The following IL17RD variants were observed in gnomAD, a reference collection of about 807,000 sequenced individuals.
IL17RD encodes the protein interleukin-17 receptor D.
Under a neutral mutation model 80.5 loss-of-function variants are expected in IL17RD, and 52 were observed. That is an observed-to-expected ratio of 0.65 (90% CI 0.52 to 0.81). IL17RD has a LOEUF of 0.81. IL17RD is among the 40% of genes least tolerant of loss of function. The pLI, the probability that IL17RD is intolerant of heterozygous loss-of-function variation, is 0.00. For missense variants in IL17RD, 1,024 were observed against 955.1 expected (o/e 1.07, Z -0.95); for synonymous variants, 416 against 391.8 (o/e 1.06, Z -0.73).
intron 11 of IL17RD, 39 bp downstream of exon 11, chr3:57,101,140 T>C: frequency 1.3e-6 from 2 of 1,563,234 alleles, no homozygotes; most frequent in South Asian, 1.1e-5. Context: ...AGGGCAAGTG[T>C]CCTGGCCAGG....
rs762095129 is a variant in IL17RD at position 57,120,325 on chromosome 3, C to G, written c.127-12G>C. 3 of 1,610,376 alleles carry G rather than the reference C, an allele frequency of 1.9e-6. No individual in the cohort carries two copies. The African/African-American group carries it at 4.0e-5, about 22-fold the overall frequency. ...GCTGGCCCCACTCCCTGTGGGAAAA[C>G]AAGAGAACATGATGCAGAGTGAAGC... On this transcript the variant is annotated splice_polypyrimidine_tract_variant and intron_variant, in intron 1 of 12. Transcript: ENST00000296318.
chr3:57,104,737 G>A (rs1422682471), intron 7 of IL17RD, among the ~76,000 whole-genome samples: 1 of 152,198 alleles, frequency 6.6e-6, no homozygotes, highest in Non-Finnish European at 1.5e-5. Context: ...ACCAGTCTGT[G>A]TTTATACATA....
chr3:57,110,229 C>G lies in IL17RD; in HGVS notation c.393G>C (p.Lys131Asn). The G allele has an allele frequency of 6.2e-7, 1 of 1,607,278 alleles. No individual in the cohort carries two copies. The highest frequency in any genetic ancestry group is 1.1e-5 in the South Asian group (1 of 89,216). ...AGCTACTGTTGAGCTGCTTCGGATC[C>G]TTTAGAATCAGTTGTTGGCACTGTC... Reference protein sequence around the residue: ...EGRQCQQLILKDPKQLNSSFK... With the variant: ...EGRQCQQLILNDPKQLNSSFK... The change falls in exon 4 of 13, where the codon AAG becomes AAC. Residue 131 changes from lysine to asparagine, a missense_variant. Lys to Asn is a moderately conservative substitution (Grantham distance 94, BLOSUM62 0). Coordinates refer to ENST00000296318, the MANE Select transcript of IL17RD (RefSeq NM_017563.5).
chr3:57,116,699 A>AT (rs1559472824), intron 2 of IL17RD, among the ~76,000 whole-genome samples: 1 of 152,172 alleles, frequency 6.6e-6, no homozygotes, highest in Non-Finnish European at 1.5e-5. Context: ...TAAAGAAGAG[A>AT]TTTTAGAATA....
At chr3:57,123,960 G>T (rs1009669845) in intron 1 of IL17RD, among the ~76,000 whole-genome samples, 4 of 152,126 alleles carry the variant, frequency 2.6e-5, no homozygotes, top group Non-Finnish European at 5.9e-5. Context: ...CGGGAGAATC[G>T]CTTGAACCCG....
At chr3:57,114,138 C>T (rs1318191809) in intron 3 of IL17RD, among the ~76,000 whole-genome samples, 1 of 150,972 alleles carries the variant, frequency 6.6e-6, no homozygotes, top group Non-Finnish European at 1.5e-5. Flanking sequence ...GAGCCGAGAT[C>T]GCACCATTGC....
At chr3:57,132,932 C>G (rs1431400243) in intron 1 of IL17RD, among the ~76,000 whole-genome samples, 1 of 152,032 alleles carries the variant, frequency 6.6e-6, no homozygotes, top group East Asian at 1.9e-4. Flanking sequence ...TATTTGCGGT[C>G]AACACACAAA....
intron 12 of IL17RD, among the ~76,000 whole-genome samples, chr3:57,097,270 T>C (rs2107460713): frequency 6.6e-6 from 1 of 152,304 alleles, no homozygotes; most frequent in East Asian, 1.9e-4. Flanking sequence ...CACAAACTGT[T>C]ACCCAAGACC....
chr3:57,130,826 AG>A (rs1479463699), intron 1 of IL17RD, among the ~76,000 whole-genome samples: 2 of 152,168 alleles, frequency 1.3e-5, no homozygotes, highest in African/African-American at 4.8e-5. Context: ...ATGTGTGCCC[AG>A]CCACAAAGCC....
chr3:57,110,275 TC>T lies in IL17RD; in HGVS notation c.346del (p.Glu116ArgfsTer3). 6.2e-7 allele frequency: 1 copy of T among 1,608,736 alleles called. No individual in the cohort carries two copies. ...CTGTCTTCCCTCCGACTTCAGCTCC[TC>T]CAGTATTACCCGAAATCCTTTCAGG... The part of the protein sequence containing the change: ...EFLKGFRVIL[E>X]ELKSEGRQCQ... On this transcript the variant is annotated frameshift_variant, in exon 4 of 13. Coordinates refer to ENST00000296318, the MANE Select transcript of IL17RD (RefSeq NM_017563.5). LOFTEE classifies it high-confidence loss of function.
rs116215275 is a variant in IL17RD at position 57,126,454 on chromosome 3, C to T, written c.127-6141G>A. 8.8e-3 allele frequency among the ~76,000 whole-genome samples: 1,339 copies of T among 152,302 alleles called. 25 individuals carry two copies. Among genetic ancestry groups the T allele is most frequent in the African/African-American group, 0.031 (1,277 of 41,560 alleles). ...TCAAAAGCTAAAAACCCACACCATG[C>T]TCCAGCCATATATGGCAAAGAAGCA... On this transcript the variant is annotated intron_variant, in intron 1 of 12. Coordinates refer to ENST00000296318, the MANE Select transcript of IL17RD (RefSeq NM_017563.5).
At chr3:57,107,385 A>G (rs7626136) in intron 5 of IL17RD, among the ~76,000 whole-genome samples, 1 of 150,960 alleles carries the variant, frequency 6.6e-6, no homozygotes, top group South Asian at 2.1e-4. Flanking sequence ...TCTCGAAAAA[A>G]AAAAAAAAAA....
In IL17RD at chr3:57,127,387, A is replaced by ATATAT. The variant is rs1553625662; in HGVS notation, c.127-7075_127-7074insATATA. Among the ~76,000 whole-genome samples, 16 of 87,980 alleles carry ATATAT rather than the reference A, an allele frequency of 1.8e-4. No homozygotes were observed. In the East Asian group the frequency reaches 5.1e-3, roughly 28 times the overall value. 57.7% of individuals were successfully genotyped at this position (87,980 alleles called of 152,430 possible). A position where few individuals can be genotyped will look rare whatever the true frequency, so the allele number is the denominator to read the frequency against. On this transcript the variant is annotated intron_variant, in intron 1 of 12. Coordinates refer to ENST00000296318, the MANE Select transcript of IL17RD (RefSeq NM_017563.5). ...ATAAATATATATATATAAATAAATA[A>ATATAT]ATAAATAAATATATATATATATATA...
At chr3:57,099,968 T>G (rs527339842) in intron 11 of IL17RD, among the ~76,000 whole-genome samples, 4 of 152,356 alleles carry the variant, frequency 2.6e-5, no homozygotes, top group Admixed American at 2.0e-4. Context: ...GGAAAAAGAC[T>G]GGAAGGAAAT....
intron 1 of IL17RD, among the ~76,000 whole-genome samples, chr3:57,131,132 TC>T (rs1018343295): frequency 8.2e-6 from 1 of 121,848 alleles, no homozygotes; most frequent in African/African-American, 3.1e-5. Flanking sequence ...AAGCTTCCCC[TC>T]CCCCACCCCC....
Position 57,105,884 on chromosome 3 carries a change from T to A in IL17RD, c.720A>T (p.Gly240=). 1 of 1,613,884 alleles carries A rather than the reference T, an allele frequency of 6.2e-7. No individual in the cohort carries two copies. ...GCTTACAGGTCTTTCGCTTGAAAGG[T>A]CCTTCGTGCTTGAGCTTGTAGTGAA... ...FYLHYKLKHE[G]PFKRKTCKQE... The change falls in exon 7 of 13, where the codon GGA becomes GGT. Residue 240 remains glycine (G), a synonymous_variant. Coordinates refer to ENST00000296318, the MANE Select transcript of IL17RD (RefSeq NM_017563.5).
intron 1 of IL17RD, among the ~76,000 whole-genome samples, chr3:57,141,426 A>G (rs1906504): frequency 0.15 from 23,186 of 152,122 alleles, 2,283 homozygotes; most frequent in East Asian, 0.38. Context: ...TATTTTTTGT[A>G]TTGTTAGCAG....
chr3:57,124,704 A>C (rs952331309), intron 1 of IL17RD, among the ~76,000 whole-genome samples: 4 of 152,214 alleles, frequency 2.6e-5, no homozygotes, highest in Non-Finnish European at 5.9e-5. Context: ...AATAAACGTA[A>C]GTCATTTTAA....
chr3:57,158,676 A>T (rs1464861061), intron 1 of IL17RD, among the ~76,000 whole-genome samples: 2 of 152,240 alleles, frequency 1.3e-5, no homozygotes, highest in Non-Finnish European at 2.9e-5. Context: ...ATGGAGTTGC[A>T]AACATCAATG....
Sources: gnomAD v4.1 joint callset for allele counts (sites outside exome capture counted in the v4.1 genomes callset) on GRCh38, gnomAD v4.1.1 for gene constraint, MANE v1.5 for transcripts, NCBI Gene and HGNC (gene_info 2026-07-23, HGNC 2026-07-21) for gene names.